The following LGR6 variants were observed in gnomAD, a reference collection of about 807,000 sequenced individuals.
LGR6 encodes the protein leucine-rich repeat-containing G protein-coupled receptor 6.
A neutral mutation model predicts 69.4 loss-of-function variants in LGR6; 45 were observed. The observed-to-expected ratio is 0.65, with a 90% CI of 0.51 to 0.83. LGR6 has a LOEUF of 0.83. Among genes scored for constraint, LGR6 ranks in the 40% least tolerant of loss-of-function variants. The pLI is 0.00. For synonymous variants in LGR6, 538 were observed against 555.0 expected, an observed-to-expected ratio of 0.97 and a Z score of 0.43; for missense variants, 1,108 against 1,246.7, an observed-to-expected ratio of 0.89 and a Z score of 1.68.
intron 5 of LGR6, among the ~76,000 whole-genome samples, chr1:202,278,189 A>G (rs573760319): frequency 4.7e-4 from 71 of 152,316 alleles, no homozygotes; most frequent in Middle Eastern, 6.8e-3. Flanking sequence ...GGAGACAGGA[A>G]GGTCAGTTCA....
rs1658530510 is a variant in LGR6 at position 202,193,938 on chromosome 1, C to T, written c.-52C>T. The stretch of plus-strand genomic sequence containing the variant: ...CGGGAGGAAGCAGCTGCGGCCATCG[C>T]GCCGTGCGTCCGCGCCCGGCCGCCA... On this transcript the variant is annotated 5_prime_UTR_variant, in exon 1 of 18. Transcript: ENST00000367278. 15 of 1,169,198 alleles carry T rather than the reference C, an allele frequency of 1.3e-5. No individual in the cohort carries two copies. Among genetic ancestry groups the T allele is most frequent in the Non-Finnish European group, 1.6e-5 (15 of 917,592 alleles). The allele number at this position is 1,169,198 out of a possible 1,614,324, so 72.4% of individuals were successfully genotyped here. A position where few individuals can be genotyped will look rare whatever the true frequency, so the allele number is the denominator to read the frequency against.
chr1:202,281,619 T>C (rs999342197), intron 6 of LGR6, among the ~76,000 whole-genome samples: 2 of 152,144 alleles, frequency 1.3e-5, no homozygotes, highest in South Asian at 2.1e-4. Flanking sequence ...CTGGCTGCCA[T>C]GGCCACCTGG....
chr1:202,210,068 G>T (rs1659403664), intron 1 of LGR6, among the ~76,000 whole-genome samples: 1 of 152,216 alleles, frequency 6.6e-6, no homozygotes, highest in Non-Finnish European at 1.5e-5. Flanking sequence ...GGGGTATTTG[G>T]AAGAGGCAAG....
intron 1 of LGR6, among the ~76,000 whole-genome samples, chr1:202,206,524 A>AT (rs1325639354): frequency 7.2e-5 from 11 of 151,772 alleles, no homozygotes; most frequent in Non-Finnish European, 1.5e-4. Context: ...TTGCCATGTT[A>AT]TTTTTTTCGG....
chr1:202,311,181 A>G (rs898469460), intron 16 of LGR6, among the ~76,000 whole-genome samples: 1 of 151,960 alleles, frequency 6.6e-6, no homozygotes, highest in South Asian at 2.1e-4. Context: ...TCCATCTCTA[A>G]CTCTCCACAA....
intron 16 of LGR6, among the ~76,000 whole-genome samples, chr1:202,314,510 A>G (rs1653988833): frequency 6.6e-6 from 1 of 152,204 alleles, no homozygotes; most frequent in Non-Finnish European, 1.5e-5. Flanking sequence ...TCGAAGCAGC[A>G]CTTGTGGGTA....
At chr1:202,244,840 C>T (rs1392114580) in intron 4 of LGR6, among the ~76,000 whole-genome samples, 1 of 152,138 alleles carries the variant, frequency 6.6e-6, no homozygotes, top group Non-Finnish European at 1.5e-5. Context: ...GAAGCTGAGG[C>T]TAGAGTCAGG....
At chr1:202,284,061 G>T (rs535442087) in intron 6 of LGR6, among the ~76,000 whole-genome samples, 1 of 152,240 alleles carries the variant, frequency 6.6e-6, no homozygotes, top group African/African-American at 2.4e-5. Context: ...AGTCATTTGG[G>T]CAGGGTTCAG....
At chr1:202,295,056 G>T (rs568749885) in intron 6 of LGR6, among the ~76,000 whole-genome samples, 1 of 152,108 alleles carries the variant, frequency 6.6e-6, no homozygotes, top group Admixed American at 6.5e-5. Context: ...AGCTGGGCAC[G>T]GTGGCTCATG....
intron 6 of LGR6, among the ~76,000 whole-genome samples, chr1:202,282,781 G>A (rs111856367): frequency 0.035 from 5,353 of 152,318 alleles, 142 homozygotes; most frequent in Middle Eastern, 0.075. Flanking sequence ...CTGGATTGCC[G>A]CGCAGGGCAT....
At chr1:202,220,848 GACACACAC>G (rs148545916) in intron 1 of LGR6, among the ~76,000 whole-genome samples, 1 of 150,376 alleles carries the variant, frequency 6.6e-6, no homozygotes, top group African/African-American at 2.4e-5. Context: ...GCTCCTATCA[GACACACAC>G]ACACACACAA....
intron 6 of LGR6, among the ~76,000 whole-genome samples, chr1:202,296,704 T>G (rs1464253685): frequency 6.6e-6 from 1 of 152,160 alleles, no homozygotes; most frequent in Non-Finnish European, 1.5e-5. Flanking sequence ...CACTTATGGG[T>G]CAATATTTTG....
chr1:202,194,547 C>A (rs746730291), intron 1 of LGR6: 4 of 595,388 alleles, frequency 6.7e-6, no homozygotes, highest in Non-Finnish European at 1.3e-5. Flanking sequence ...TCTCTTCTAG[C>A]AGAGCAGTGC....
At chr1:202,314,728 G>A (rs1044606445) in intron 16 of LGR6, 74 bp from the exon 17 acceptor site, 1 of 999,612 alleles carries the variant, frequency 1.0e-6, no homozygotes, top group African/African-American at 1.6e-5. Flanking sequence ...TTAAAGGAGG[G>A]GGCATTTGGA....
At chr1:202,253,307 C>CTT (rs200198062) in intron 4 of LGR6, among the ~76,000 whole-genome samples, 12 of 144,992 alleles carry the variant, frequency 8.3e-5, no homozygotes, top group African/African-American at 1.8e-4. Context: ...TCCTAATACT[C>CTT]TTTTTTTTTT....
intron 6 of LGR6, among the ~76,000 whole-genome samples, chr1:202,297,162 A>T (rs1397769001): frequency 6.6e-6 from 1 of 152,038 alleles, no homozygotes; most frequent in African/African-American, 2.4e-5. Flanking sequence ...ACGATCACCC[A>T]CTTCCCCCCT....
intron 6 of LGR6, among the ~76,000 whole-genome samples, chr1:202,295,532 G>T (rs374482718): frequency 1.3e-5 from 2 of 152,144 alleles, no homozygotes; most frequent in East Asian, 1.9e-4. Flanking sequence ...TTTCATCCCT[G>T]CTGCCATCCT....
At chr1:202,297,708 C>G (rs1667265255) in intron 7 of LGR6, 132 bp downstream of exon 7, 1 of 675,146 alleles carries the variant, frequency 1.5e-6, no homozygotes, top group East Asian at 2.8e-5. Context: ...TGTCCCCCAC[C>G]CTCCCGCCCC....
intron 12 of LGR6, 43 bp from the exon 13 acceptor site, chr1:202,306,825 G>A (rs752462438): frequency 2.7e-5 from 42 of 1,570,320 alleles, no homozygotes; most frequent in Non-Finnish European, 3.5e-5. Context: ...GCGGAGCCAG[G>A]GTCTGAGCCT....
Sources: allele counts gnomAD v4.1 joint callset (sites outside exome capture counted in the v4.1 genomes callset), GRCh38; gene constraint gnomAD v4.1.1; transcripts MANE v1.5; gene names NCBI Gene and HGNC (gene_info 2026-07-23, HGNC 2026-07-21).